Variants in TRIO observed in about 807,000 individuals in gnomAD.
The protein encoded by TRIO is triple functional domain protein.
TRIO carries 58 observed loss-of-function variants against 351.9 expected under a neutral mutation model. The observed-to-expected ratio is 0.16, with a 90% CI of 0.13 to 0.21. The LOEUF (loss-of-function observed/expected upper bound fraction) is 0.21. Ranked by LOEUF, TRIO falls within the 10% of genes least tolerant of loss-of-function variation. The pLI, the probability that TRIO is intolerant of heterozygous loss-of-function variation, is 1.00. For synonymous variants in TRIO, 1,758 were observed against 1,595.7 expected, an observed-to-expected ratio of 1.10 and a Z score of -2.42; for missense variants, 3,201 against 4,027.8, an observed-to-expected ratio of 0.79 and a Z score of 5.56.
At chr5:14,343,164 G>C (rs969542131) in intron 11 of TRIO, among the ~76,000 whole-genome samples, 2 of 151,260 alleles carry the variant, frequency 1.3e-5, no homozygotes, top group African/African-American at 4.9e-5. Context: ...CACAGCGGTA[G>C]CATCTTGCAT....
chr5:14,505,656 T>G (rs1010971814), intron 55 of TRIO, among the ~76,000 whole-genome samples: 2 of 152,062 alleles, frequency 1.3e-5, no homozygotes, highest in Non-Finnish European at 2.9e-5. Context: ...CCCCATACCC[T>G]TCCTAGGGCA....
chr5:14,355,035 G>T (rs1444605241), intron 11 of TRIO, among the ~76,000 whole-genome samples: 1 of 152,222 alleles, frequency 6.6e-6, no homozygotes, highest in Non-Finnish European at 1.5e-5. Context: ...AGGAGAGGAA[G>T]TTGGAAGGTG....
intron 1 of TRIO, among the ~76,000 whole-genome samples, chr5:14,247,785 A>G (rs1794519407): frequency 6.6e-6 from 1 of 152,170 alleles, no homozygotes; most frequent in African/African-American, 2.4e-5. Flanking sequence ...ATAGACCACT[A>G]GGCAGGGCAC....
intron 1 of TRIO, among the ~76,000 whole-genome samples, chr5:14,198,491 A>T (rs755035963): frequency 6.6e-6 from 1 of 152,238 alleles, no homozygotes; most frequent in South Asian, 2.1e-4. Context: ...CTCATTTAAC[A>T]TAATTACATT....
intron 48 of TRIO, chr5:14,488,512 C>T (rs894887169): frequency 1.1e-5 from 6 of 553,758 alleles, no homozygotes; most frequent in African/African-American, 5.7e-5. Context: ...CTTTTGGTTT[C>T]TTCCATTTCC....
At chr5:14,302,910 C>G (rs1272215674) in intron 7 of TRIO, among the ~76,000 whole-genome samples, 1 of 152,268 alleles carries the variant, frequency 6.6e-6, no homozygotes, top group African/African-American at 2.4e-5. Context: ...TTGCCTTTCA[C>G]TCTTAACTGT....
chr5:14,452,590 C>T (rs1579695289), intron 34 of TRIO, among the ~76,000 whole-genome samples: 2 of 152,226 alleles, frequency 1.3e-5, no homozygotes, highest in East Asian at 3.9e-4. Context: ...GCCAGGCAGA[C>T]TTTAAACTCC....
rs914404340 is a variant in TRIO, at chr5:14,330,741, T to G, written c.1732-37T>G. 8 of 1,608,326 alleles carry G rather than the reference T, an allele frequency of 5.0e-6. No homozygotes were observed. The Admixed American group carries it at 1.3e-4, about 27-fold the overall frequency. On this transcript the variant is annotated intron_variant, in intron 9 of 56. Transcript: ENST00000344204. Reference sequence around the variant, plus strand: ...CTTAAACATTGAACATGGCAGGACATTGTTTTTATGGCATATGTACCTGTA... The same window carrying G: ...CTTAAACATTGAACATGGCAGGACAGTGTTTTTATGGCATATGTACCTGTA...
chr5:14,318,784 A>C lies in TRIO; in HGVS notation c.1731+2041A>C, dbSNP rs1012569153. Among the ~76,000 whole-genome samples the C allele has an allele frequency of 2.0e-5, 3 of 152,204 alleles. No individual in the cohort carries two copies. The South Asian group carries it at 6.2e-4, about 32-fold the overall frequency. On this transcript the variant is annotated intron_variant, in intron 9 of 56. Transcript: ENST00000344204. ...ACAAACCATGAAATGTTGGAGTTTA[A>C]ATCTAATTGTTGAAAAATTCCCCAC...
chr5:14,403,509 TGG>T lies in TRIO; in HGVS notation c.4717-2338_4717-2337del, dbSNP rs1368861501. 3.6e-4 allele frequency among the ~76,000 whole-genome samples: 30 copies of T among 83,836 alleles called. 1 individual carries two copies. The highest frequency in any genetic ancestry group is 7.0e-4 in the African/African-American group (13 of 18,682). The allele number at this position is 83,836 out of a possible 152,430, so 55.0% of individuals were successfully genotyped here. ...CAGGTGGTGGTGGTGAGGGTGTAGG[TGG>T]TGGTGGTGAGGGTGCAGGTTGTGGT... On this transcript the variant is annotated intron_variant, in intron 31 of 56. Transcript: ENST00000344204.
intron 1 of TRIO, among the ~76,000 whole-genome samples, chr5:14,234,165 G>A (rs964024312): frequency 6.6e-6 from 1 of 152,182 alleles, no homozygotes; most frequent in East Asian, 1.9e-4. Context: ...TTGCCAATGA[G>A]GTTCCTGTAC....
At position 14,448,670 on chromosome 5, in the gene TRIO, G is replaced by A. The variant is rs114894937; in HGVS notation, c.5204-12349G>A. Among the ~76,000 whole-genome samples, 294 of 152,344 alleles carry A rather than the reference G, an allele frequency of 1.9e-3. 1 individual carries two copies. In the Middle Eastern group the frequency reaches 0.037, roughly 19 times the overall value. On this transcript the variant is annotated intron_variant, in intron 34 of 56. Coordinates refer to ENST00000344204, the MANE Select transcript of TRIO (RefSeq NM_007118.4). The stretch of plus-strand genomic sequence containing the variant: ...AAGAGCCATGTGGACTGCGCGTTAG[G>A]AGCGGGGCAGAAAGCTGCTGGGCAT...
chr5:14,236,806 A>G (rs1160763927), intron 1 of TRIO, among the ~76,000 whole-genome samples: 1 of 152,158 alleles, frequency 6.6e-6, no homozygotes, highest in Non-Finnish European at 1.5e-5. Context: ...CATCATCGCC[A>G]GAAAGAAACC....
At chr5:14,496,749 A>G (rs897628608) in intron 49 of TRIO, 130 bp from the exon 50 acceptor site, 2 of 1,201,614 alleles carry the variant, frequency 1.7e-6, no homozygotes, top group South Asian at 3.8e-5. Context: ...CAGAGGTCAC[A>G]GTTCGTAGAG....
intron 1 of TRIO, among the ~76,000 whole-genome samples, chr5:14,172,892 G>A (rs1393495129): frequency 6.6e-6 from 1 of 152,214 alleles, no homozygotes; most frequent in African/African-American, 2.4e-5. Context: ...GTGGACTCTG[G>A]AAGAGCTGGC....
chr5:14,338,207 T>G (rs138990334), intron 11 of TRIO, among the ~76,000 whole-genome samples: 2 of 152,304 alleles, frequency 1.3e-5, no homozygotes, highest in African/African-American at 4.8e-5. Flanking sequence ...CAGAGTAATT[T>G]TTCTGAAATA....
At chr5:14,153,700 A>G (rs1787956378) in intron 1 of TRIO, among the ~76,000 whole-genome samples, 1 of 152,128 alleles carries the variant, frequency 6.6e-6, no homozygotes, top group Admixed American at 6.5e-5. Context: ...TCTGTTTGTG[A>G]GGGCCTGAAT....
intron 12 of TRIO, 149 bp downstream of exon 12, chr5:14,358,496 A>G: frequency 1.3e-6 from 1 of 791,150 alleles, no homozygotes; most frequent in Non-Finnish European, 1.9e-6. Context: ...AGGAGAGAGA[A>G]ACGGCTCTCT....
At position 14,504,599 on chromosome 5, in the gene TRIO, T is replaced by G; in HGVS notation, c.8612+6T>G. On this transcript the variant is annotated splice_donor_region_variant and intron_variant, in intron 55 of 56. Coordinates refer to ENST00000344204, the MANE Select transcript of TRIO (RefSeq NM_007118.4). The stretch of plus-strand genomic sequence containing the variant: ...TACATCCTGGTCTTAGAAATGTGCG[T>G]ACACACCTGGCCTTCCCTCTGCCCA... The G allele has an allele frequency of 1.9e-6, 3 of 1,613,930 alleles. No homozygotes were observed. The highest frequency in any genetic ancestry group is 2.5e-6 in the Non-Finnish European group (3 of 1,179,928).
Sources: allele counts gnomAD v4.1 joint callset (sites outside exome capture counted in the v4.1 genomes callset), GRCh38; gene constraint gnomAD v4.1.1; transcripts MANE v1.5; gene names NCBI Gene and HGNC (gene_info 2026-07-23, HGNC 2026-07-21).